MAP3K19: variants seen among roughly 807,000 people sequenced by gnomAD.
MAP3K19 encodes the protein SPS1/STE20-related protein kinase YSK4.
Under a neutral mutation model 114.4 loss-of-function variants are expected in MAP3K19, and 91 were observed. The ratio of observed to expected loss-of-function variants is 0.80; its 90% confidence interval spans 0.67 to 0.95. The LOEUF is 0.95. MAP3K19 is among the 40% of genes least tolerant of loss of function. MAP3K19 has a pLI of 0.00. For synonymous variants in MAP3K19, 518 were observed against 530.5 expected (o/e 0.98, Z 0.32); for missense variants, 1,471 against 1,573.2 (o/e 0.94, Z 1.10).
At chr2:134,981,880 C>CTTTTTTTTTTTTTT (rs567597251) in intron 11 of MAP3K19, among the ~76,000 whole-genome samples, 4 of 124,504 alleles carry the variant, frequency 3.2e-5, no homozygotes, top group Non-Finnish European at 5.0e-5. Context: ...GATTTCTTTT[C>CTTTTTTTTTTTTTT]TTTTTTTTTT....
chr2:134,998,509 A>G lies in MAP3K19; in HGVS notation c.574+229T>C, dbSNP rs77640752. ...AACAAATATATAAACATTTGCACAT[A>G]TAGTGCTCTTTCTGCTGGAACATTA... On this transcript the variant is annotated intron_variant, in intron 8 of 12. Coordinates refer to ENST00000392915, the MANE Select transcript of MAP3K19 (RefSeq NM_025052.5). 7.4e-3 allele frequency among the ~76,000 whole-genome samples: 1,135 copies of G among 152,364 alleles called. 7 individuals are homozygous for G. The highest frequency in any genetic ancestry group is 0.034 in the Middle Eastern group (10 of 294).
intron 3 of MAP3K19, among the ~76,000 whole-genome samples, chr2:135,025,409 G>A (rs1457141662): frequency 5.1e-5 from 6 of 118,460 alleles, no homozygotes; most frequent in African/African-American, 1.7e-4. Context: ...TTTTTGAGGC[G>A]GAGTCTTGCT....
rs1334838338 is a variant in MAP3K19, at chr2:134,986,292, A to G, written c.2580T>C (p.Ser860=). The stretch of plus-strand genomic sequence containing the variant: ...GTACATACTTGTTAGAATTCTTCTC[A>G]CTGGGCACTGCCCAGCTGTCTTCTG... ...IPSEDSWAVP[S]EKNSNKYVQQ... The change falls in exon 10 of 13, where the codon AGT becomes AGC. Residue 860 remains serine (S), a synonymous_variant. Transcript: ENST00000392915. 6.2e-7 allele frequency: 1 copy of G among 1,614,040 alleles called. No homozygotes were observed. Among genetic ancestry groups the G allele is most frequent in the Admixed American group, 1.7e-5 (1 of 60,022 alleles).
At chr2:135,046,771 A>G (rs991525831) in intron 1 of MAP3K19, among the ~76,000 whole-genome samples, 2 of 152,258 alleles carry the variant, frequency 1.3e-5, no homozygotes, top group African/African-American at 4.8e-5. Context: ...TTAAAGCAAC[A>G]GAAATCTCAT....
chr2:134,985,632 G>A (rs1385928029), intron 10 of MAP3K19, among the ~76,000 whole-genome samples, 168 bp downstream of exon 10: 1 of 151,816 alleles, frequency 6.6e-6, no homozygotes, highest in Non-Finnish European at 1.5e-5. Flanking sequence ...TCTTAGCCTG[G>A]GGGTCAGAGG....
chr2:134,994,094 A>G (rs1160455634), intron 8 of MAP3K19, among the ~76,000 whole-genome samples: 2 of 152,244 alleles, frequency 1.3e-5, no homozygotes, highest in Non-Finnish European at 2.9e-5. Flanking sequence ...CAATCCCTCC[A>G]CAAATCACAC....
At position 134,969,077 on chromosome 2, in the gene MAP3K19, C is replaced by G. The variant is rs899785063; in HGVS notation, c.3921-4161G>C. On this transcript the variant is annotated intron_variant, in intron 12 of 12. Transcript: ENST00000392915. ...TGGGCACCATTGAGCACTGAGTGAA[C>G]GAGACTCCGTCTGCAATCCCGGCAC... 2.6e-5 allele frequency among the ~76,000 whole-genome samples: 4 copies of G among 152,262 alleles called. No homozygotes were observed. The South Asian group carries it at 8.3e-4, about 32-fold the overall frequency.
intron 4 of MAP3K19, among the ~76,000 whole-genome samples, chr2:135,022,032 A>G (rs1158203651): frequency 6.7e-6 from 1 of 148,682 alleles, no homozygotes; most frequent in Admixed American, 6.9e-5. Context: ...TGGATGGCTT[A>G]CTATTTTTTT....
chr2:135,031,158 T>TA (rs58623364), intron 2 of MAP3K19, among the ~76,000 whole-genome samples: 1,432 of 134,950 alleles, frequency 0.011, 15 homozygotes, highest in African/African-American at 0.031. Flanking sequence ...GAGACATATT[T>TA]AAAAAAAAAA....
chr2:135,006,042 G>A (rs1686789727), intron 5 of MAP3K19, among the ~76,000 whole-genome samples: 1 of 152,158 alleles, frequency 6.6e-6, no homozygotes, highest in East Asian at 1.9e-4. Flanking sequence ...CTATGACGGC[G>A]TTCTGATCTA....
chr2:134,977,648 C>T (rs1479393904), intron 12 of MAP3K19, among the ~76,000 whole-genome samples: 24 of 152,190 alleles, frequency 1.6e-4, no homozygotes, highest in Middle Eastern at 3.4e-3. Context: ...TGGCGTGAGC[C>T]ACCGCGCCCG....
Position 134,998,981 on chromosome 2 carries a change from G to A in MAP3K19, c.331C>T (p.Leu111Phe). Reference sequence around the variant, plus strand: ...GCATGTGCTTGTGCCCATTCTTGAAGCGATGAGTTTATCAGACTAAAGGGG... The same window carrying A: ...GCATGTGCTTGTGCCCATTCTTGAAACGATGAGTTTATCAGACTAAAGGGG... ...LKEKNLINSS[L>F]QEWAQAHAVS... The change falls in exon 8 of 13, where the codon CTT becomes TTT. Residue 111 changes from leucine (L) to phenylalanine (F), a missense_variant. Leu to Phe is a conservative substitution (Grantham distance 22). Coordinates refer to ENST00000392915, the MANE Select transcript of MAP3K19 (RefSeq NM_025052.5). The A allele has an allele frequency of 6.2e-7, 1 of 1,613,204 alleles. No individual in the cohort carries two copies. The highest frequency in any genetic ancestry group is 1.1e-5 in the South Asian group (1 of 90,832).
chr2:135,031,400 A>C (rs1688377526), intron 2 of MAP3K19, among the ~76,000 whole-genome samples: 1 of 152,164 alleles, frequency 6.6e-6, no homozygotes, highest in Admixed American at 6.5e-5. Context: ...TGTGTACAAG[A>C]GGGCAAGTAA....
At chr2:134,966,323 G>A (rs894663713) in intron 12 of MAP3K19, among the ~76,000 whole-genome samples, 1 of 151,976 alleles carries the variant, frequency 6.6e-6, no homozygotes, top group Non-Finnish European at 1.5e-5. Flanking sequence ...TCTCCATACT[G>A]TTTTCCATAA....
intron 8 of MAP3K19, among the ~76,000 whole-genome samples, chr2:134,997,785 C>A (rs1427435303): frequency 7.6e-6 from 1 of 132,048 alleles, no homozygotes; most frequent in Non-Finnish European, 1.6e-5. Flanking sequence ...GGCCACTGTG[C>A]TCCAGCCTGG....
At chr2:135,010,009 T>C (rs1022504950) in intron 5 of MAP3K19, among the ~76,000 whole-genome samples, 14 of 152,130 alleles carry the variant, frequency 9.2e-5, no homozygotes, top group African/African-American at 3.1e-4. Flanking sequence ...AGAGCCAGAA[T>C]TTACACCCAG....
At position 134,987,496 on chromosome 2, in the gene MAP3K19, C is replaced by A. The variant is rs768442592; in HGVS notation, c.1376G>T (p.Cys459Phe). The A allele has an allele frequency of 6.2e-7, 1 of 1,614,216 alleles. No homozygotes were observed. Among genetic ancestry groups the A allele is most frequent in the Admixed American group, 1.7e-5 (1 of 60,026 alleles). ...DDPIDKLPEG[C>F]SSMETNIKIS... is the part of the protein sequence containing the mutation. ...TTTTATGTTTGTCTCCATGCTGCTACAACCTTCTGGGAGTTTATCAATGGG... is the reference window on the plus strand; with the variant it reads ...TTTTATGTTTGTCTCCATGCTGCTAAAACCTTCTGGGAGTTTATCAATGGG... Residue 459 changes from cysteine to phenylalanine, a missense_variant, in exon 10 of 13, where the codon TGT (cysteine) becomes TTT (phenylalanine). By Grantham distance (205) the Cys-to-Phe change is radical. Coordinates refer to ENST00000392915, the MANE Select transcript of MAP3K19 (RefSeq NM_025052.5).
intron 9 of MAP3K19, among the ~76,000 whole-genome samples, chr2:134,991,014 C>A (rs1276092279): frequency 2.6e-5 from 4 of 151,794 alleles, no homozygotes; most frequent in African/African-American, 4.8e-5. Flanking sequence ...GCCAACATAG[C>A]GAGACCCTGT....
At chr2:135,025,428 C>T (rs551155032) in intron 3 of MAP3K19, among the ~76,000 whole-genome samples, 5,738 of 137,592 alleles carry the variant, frequency 0.042, 444 homozygotes, top group African/African-American at 0.16. Flanking sequence ...CTCTGTCACC[C>T]AGGCTGGAGT....
Sources: gnomAD v4.1 joint callset for allele counts (sites outside exome capture counted in the v4.1 genomes callset) on GRCh38, gnomAD v4.1.1 for gene constraint, MANE v1.5 for transcripts, NCBI Gene and HGNC (gene_info 2026-07-23, HGNC 2026-07-21) for gene names.